Variants in MYL2 observed in about 807,000 individuals in gnomAD.
MYL2 encodes the protein myosin light chain 2.
MYL2 carries 19 observed loss-of-function variants against 23.0 expected under a neutral mutation model. That is an observed-to-expected ratio of 0.83 (90% confidence interval 0.58 to 1.21). The LOEUF (loss-of-function observed/expected upper bound fraction) is 1.21. Ranked by LOEUF, MYL2 falls within the 50% of genes most tolerant of loss-of-function variation. The pLI, the probability that MYL2 is intolerant of heterozygous loss-of-function variation, is 0.00. For missense variants in MYL2, 180 were observed against 215.1 expected (o/e 0.84, Z 1.02); for synonymous variants, 78 against 76.2 (o/e 1.02, Z -0.13).
At chr12:110,912,992 G>T in intron 6 of MYL2, 104 bp downstream of exon 6, 2 of 1,244,496 alleles carry the variant, frequency 1.6e-6, no homozygotes, top group Non-Finnish European at 1.2e-6. Context: ...CTGGTTCTCT[G>T]TCAGTGTGGG....
At chr12:110,919,975 G>A (rs756812360) in intron 1 of MYL2, among the ~76,000 whole-genome samples, 34 of 152,214 alleles carry the variant, frequency 2.2e-4, no homozygotes, top group Non-Finnish European at 4.1e-4. Context: ...AGGCAGAGCC[G>A]GAGTTGAACT....
rs1350808729 is a variant in MYL2 at position 110,920,442 on chromosome 12, C to A, written c.3+85G>T. 6.2e-6 allele frequency: 10 copies of A among 1,600,002 alleles called. No homozygotes were observed. The East Asian group carries it at 1.1e-4, about 18-fold the overall frequency. ...TGGAGGCTTTGAGGGCCGCCTTCCT[C>A]CCCCTCCGCCGTGGTCCCTCGCTTG... On this transcript the variant is annotated intron_variant, in intron 1 of 6. Transcript: ENST00000228841.
At chr12:110,914,122 G>T in intron 4 of MYL2, 64 bp downstream of exon 4, 1 of 1,253,228 alleles carries the variant, frequency 8.0e-7, no homozygotes, top group Non-Finnish European at 1.2e-6. Context: ...ACCATCTTCT[G>T]CCAGCCCCCC....
At chr12:110,919,254 G>A (rs2071705555) in intron 1 of MYL2, 61 bp from the exon 2 acceptor site, 3 of 1,420,880 alleles carry the variant, frequency 2.1e-6, no homozygotes, top group African/African-American at 2.8e-5. Flanking sequence ...ACTAGGTCAG[G>A]CCCCTACTCT....
intron 2 of MYL2, among the ~76,000 whole-genome samples, chr12:110,916,557 C>T (rs999833377): frequency 2.0e-5 from 3 of 152,108 alleles, no homozygotes; most frequent in African/African-American, 7.2e-5. Flanking sequence ...GTGAAAGAAG[C>T]CAGACACAAA....
Position 110,910,901 on chromosome 12 carries a change from T to C in MYL2, c.*176A>G. On this transcript the variant is annotated 3_prime_UTR_variant, in exon 7 of 7. Transcript: ENST00000228841. ...TCTGGATGGATTTCCAACTGTAGGA[T>C]GTGCGGCCACGAAGTACCCATAGCC... 3.1e-6 allele frequency: 2 copies of C among 653,978 alleles called. No homozygotes were observed. Among genetic ancestry groups the C allele is most frequent in the Admixed American group, 4.4e-5 (2 of 45,832 alleles). 40.5% of individuals were successfully genotyped at this position (653,978 alleles called of 1,614,324 possible).
intron 3 of MYL2, among the ~76,000 whole-genome samples, chr12:110,915,493 C>G (rs548724818): frequency 2.6e-5 from 4 of 151,314 alleles, no homozygotes; most frequent in African/African-American, 9.8e-5. Context: ...CATTCAAAAT[C>G]ACACAAAAAA....
chr12:110,914,151 TACACACAGAC>T (rs748274596), intron 4 of MYL2, 25 bp downstream of exon 4: 2 of 1,467,652 alleles, frequency 1.4e-6, no homozygotes, highest in Admixed American at 3.4e-5. Context: ...CATAGACACA[TACACACAGAC>T]ACACACACAC....
Position 110,913,152 on chromosome 12 carries a change from G to T in MYL2, c.354-8C>A, listed in dbSNP as rs767657562. On this transcript the variant is annotated splice_region_variant and splice_polypyrimidine_tract_variant and intron_variant, in intron 5 of 6. Transcript: ENST00000228841. Reference sequence around the variant, plus strand: ...GTCAGCATTTCCCGAACGCTGCAGAGAAAGGAAAGCAGGTGTTGGTGTCAG... The same window carrying T: ...GTCAGCATTTCCCGAACGCTGCAGATAAAGGAAAGCAGGTGTTGGTGTCAG... 3.1e-6 allele frequency: 5 copies of T among 1,614,254 alleles called. No homozygotes were observed. The Admixed American group carries it at 8.3e-5, about 27-fold the overall frequency.
At chr12:110,913,741 C>T (rs2071669713) in intron 4 of MYL2, among the ~76,000 whole-genome samples, 1 of 152,050 alleles carries the variant, frequency 6.6e-6, no homozygotes, top group Non-Finnish European at 1.5e-5. Flanking sequence ...ATGTTAGTTG[C>T]TGTGTTTTTG....
At chr12:110,914,457 T>C (rs2071676217) in intron 3 of MYL2, 167 bp from the exon 4 acceptor site, 5 of 674,136 alleles carry the variant, frequency 7.4e-6, no homozygotes, top group South Asian at 6.3e-5. Context: ...CTTGACAGTG[T>C]TATTTATAAT....
In MYL2 at chr12:110,913,328, A is replaced by G; in HGVS notation, c.275-4T>C. On this transcript the variant is annotated splice_polypyrimidine_tract_variant and splice_region_variant and intron_variant, in intron 4 of 6. Coordinates refer to ENST00000228841, the MANE Select transcript of MYL2 (RefSeq NM_000432.4). ...ATGGTTTCCTCAGGGTCCGCTCCTGAAACGGAACACAGGGCTTACATGTAC... is the reference window on the plus strand; with the variant it reads ...ATGGTTTCCTCAGGGTCCGCTCCTGGAACGGAACACAGGGCTTACATGTAC... The G allele has an allele frequency of 6.2e-7, 1 of 1,614,216 alleles. No homozygotes were observed. The highest frequency in any genetic ancestry group is 1.1e-5 in the South Asian group (1 of 91,092).
In MYL2 at chr12:110,911,035, A is replaced by G. The variant is rs762258262; in HGVS notation, c.*42T>C. 1.3e-6 allele frequency: 2 copies of G among 1,539,920 alleles called. No homozygotes were observed. Among genetic ancestry groups the G allele is most frequent in the South Asian group, 1.1e-5 (1 of 89,542 alleles). ...GGGGAGAGAGATGAGGGCAGGGACC[A>G]CTCTGCAAAGACGAGCCCAGGGCGC... On this transcript the variant is annotated 3_prime_UTR_variant, in exon 7 of 7. Transcript: ENST00000228841.
chr12:110,911,314 G>A (rs1036220871), intron 6 of MYL2, 139 bp from the exon 7 acceptor site: 18 of 670,426 alleles, frequency 2.7e-5, no homozygotes, highest in Non-Finnish European at 4.0e-5. Context: ...AGGGTCCTCC[G>A]GGGAAGGACT....
At position 110,914,167 on chromosome 12, in the gene MYL2, C is replaced by A; in HGVS notation, c.274+19G>T. The A allele has an allele frequency of 1.9e-6, 3 of 1,568,282 alleles. No individual in the cohort carries two copies. Among genetic ancestry groups the A allele is most frequent in the Non-Finnish European group, 2.6e-6 (3 of 1,138,360 alleles). On this transcript the variant is annotated intron_variant, in intron 4 of 6. Coordinates refer to ENST00000228841, the MANE Select transcript of MYL2 (RefSeq NM_000432.4). ...ATAGACACATACACACAGACACACACACACACACACGACCTTACCCTTAAG... is the reference window on the plus strand; with the variant it reads ...ATAGACACATACACACAGACACACAAACACACACACGACCTTACCCTTAAG...
In MYL2 at chr12:110,918,997, T is replaced by C. The variant is rs970041547; in HGVS notation, c.93+107A>G. On this transcript the variant is annotated intron_variant, in intron 2 of 6. Transcript: ENST00000228841. This position sits in a 1 kb window ranked among gnomAD's most constrained non-coding sequence, Gnocchi z 4.4. ...GCCGAATTTGGGATTGTTTGGAGGA[T>C]AGAGGCATCTAATGAAAGGTCCCTG... 2.2e-5 allele frequency: 21 copies of C among 971,892 alleles called. No individual in the cohort carries two copies. The highest frequency in any genetic ancestry group is 1.7e-4 in the Admixed American group (9 of 51,552). 60.2% of individuals were successfully genotyped at this position (971,892 alleles called of 1,614,324 possible). A position where few individuals can be genotyped will look rare whatever the true frequency, so the allele number is the denominator to read the frequency against.
rs145957610 is a variant in MYL2, at chr12:110,915,150, A to G, written c.169+565T>C. 2.0e-5 allele frequency among the ~76,000 whole-genome samples: 3 copies of G among 152,358 alleles called. No homozygotes were observed. The East Asian group carries it at 5.8e-4, about 29-fold the overall frequency. ...TGAATACTTCCCTGTAGAATTGTGC[A>G]GTGCGCAGTCTGCACAGCTGTGTAT... On this transcript the variant is annotated intron_variant, in intron 3 of 6. Coordinates refer to ENST00000228841, the MANE Select transcript of MYL2 (RefSeq NM_000432.4).
At chr12:110,915,298 T>C (rs2071681448) in intron 3 of MYL2, among the ~76,000 whole-genome samples, 2 of 152,158 alleles carry the variant, frequency 1.3e-5, no homozygotes, top group Non-Finnish European at 2.9e-5. Context: ...TTTTAGAAGA[T>C]AAATTCGAAA....
intron 4 of MYL2, 83 bp from the exon 5 acceptor site, chr12:110,913,407 A>G: frequency 7.0e-7 from 1 of 1,427,838 alleles, no homozygotes; most frequent in Admixed American, 1.7e-5. Flanking sequence ...AAGTTCCCCC[A>G]GAGATGAAGG....
Sources: gnomAD v4.1 joint callset for allele counts (sites outside exome capture counted in the v4.1 genomes callset) on GRCh38, gnomAD v4.1.1 for gene constraint, Gnocchi (gnomAD v3.1) non-coding constraint, MANE v1.5 for transcripts, NCBI Gene and HGNC (gene_info 2026-07-23, HGNC 2026-07-21) for gene names.